OSBPL11: variants seen among roughly 807,000 people sequenced by gnomAD.
The protein encoded by OSBPL11 is oxysterol-binding protein-related protein 11.
Under a neutral mutation model 84.4 loss-of-function variants are expected in OSBPL11, and 33 were observed. That is an observed-to-expected ratio of 0.39 (90% confidence interval 0.30 to 0.52). The LOEUF (loss-of-function observed/expected upper bound fraction) is 0.52, where lower values mean the gene tolerates loss of function less well. Ranked by LOEUF, OSBPL11 falls within the 20% of genes least tolerant of loss-of-function variation. The pLI is 0.72. For synonymous variants in OSBPL11, 276 were observed against 310.2 expected (o/e 0.89, Z 1.16); for missense variants, 736 against 901.1 (o/e 0.82, Z 2.35).
intron 11 of OSBPL11, among the ~76,000 whole-genome samples, chr3:125,532,530 T>C (rs1420998484): frequency 6.8e-6 from 1 of 146,632 alleles, no homozygotes; most frequent in East Asian, 2.0e-4. Flanking sequence ...CTGTCCAGAG[T>C]GTTTCTAGGC....
intron 8 of OSBPL11, among the ~76,000 whole-genome samples, chr3:125,555,230 G>A (rs1169227158): frequency 6.6e-6 from 1 of 152,110 alleles, no homozygotes; most frequent in Non-Finnish European, 1.5e-5. Context: ...TGGACTCTTG[G>A]ACCTTCAACC....
chr3:125,563,981 C>T, intron 6 of OSBPL11, 138 bp from the exon 7 acceptor site: 1 of 835,112 alleles, frequency 1.2e-6, no homozygotes, highest in Non-Finnish European at 1.8e-6. Flanking sequence ...GCAAGACAGC[C>T]ACTTATATCT....
chr3:125,572,708 C>G, intron 5 of OSBPL11, among the ~76,000 whole-genome samples: 2 of 151,772 alleles, frequency 1.3e-5, no homozygotes, highest in East Asian at 1.9e-4. Context: ...GAGGCCTCTC[C>G]ATTCATGTGG....
intron 6 of OSBPL11, among the ~76,000 whole-genome samples, chr3:125,564,340 C>T (rs10512657): frequency 0.036 from 5,437 of 152,240 alleles, 110 homozygotes; most frequent in East Asian, 0.065. Flanking sequence ...AAATACATGT[C>T]CTTTTTCGAA....
chr3:125,541,928 AT>A (rs527917300), intron 10 of OSBPL11, among the ~76,000 whole-genome samples: 30 of 152,298 alleles, frequency 2.0e-4, no homozygotes, highest in African/African-American at 7.2e-4. Flanking sequence ...ATTTGAATAC[AT>A]GTCTAAAGGA....
chr3:125,548,406 T>C (rs1935851394), intron 9 of OSBPL11, among the ~76,000 whole-genome samples: 1 of 152,150 alleles, frequency 6.6e-6, no homozygotes, highest in African/African-American at 2.4e-5. Context: ...ATAAAAACTA[T>C]GGTCATAATA....
At chr3:125,583,779 T>C (rs537210535) in intron 1 of OSBPL11, among the ~76,000 whole-genome samples, 44 of 152,162 alleles carry the variant, frequency 2.9e-4, no homozygotes, top group Admixed American at 2.6e-3. Flanking sequence ...AGCCCACAAC[T>C]AGAGGAAAGA....
rs1935963281 is a variant in OSBPL11, at chr3:125,554,682, ATAT to A, written c.1156-2006_1156-2004del. Among the ~76,000 whole-genome samples, 3 of 152,290 alleles carry A rather than the reference ATAT, an allele frequency of 2.0e-5. No homozygotes were observed. The South Asian group carries it at 6.2e-4, about 32-fold the overall frequency. Reference sequence around the variant, plus strand: ...ATAATATCTTCAGAGAATTAAGAAGATATTATATACATACAAGAATGCTTTTTA... The same window carrying A: ...ATAATATCTTCAGAGAATTAAGAAGATATATACATACAAGAATGCTTTTTA... On this transcript the variant is annotated intron_variant, in intron 8 of 12. Coordinates refer to ENST00000296220, the MANE Select transcript of OSBPL11 (RefSeq NM_022776.5).
intron 1 of OSBPL11, among the ~76,000 whole-genome samples, chr3:125,585,643 A>C (rs1936496896): frequency 6.6e-6 from 1 of 152,140 alleles, no homozygotes; most frequent in Non-Finnish European, 1.5e-5. Context: ...CTGCTGGCTT[A>C]TTTTTATTAT....
chr3:125,555,920 T>G (rs1580048871), intron 8 of OSBPL11, among the ~76,000 whole-genome samples: 1 of 152,142 alleles, frequency 6.6e-6, no homozygotes, highest in Admixed American at 6.5e-5. Flanking sequence ...TGGCCTCAAG[T>G]GATCTGCCTG....
chr3:125,574,967 A>G lies in OSBPL11; in HGVS notation c.666+1222T>C, dbSNP rs147114806. On this transcript the variant is annotated intron_variant, in intron 5 of 12. Transcript: ENST00000296220. ...TATTAGATTCCACACGGCATCTAAC[A>G]TTTAAGAAACTATCAGTTGTCAAGT... is the stretch of plus-strand genomic sequence containing the variant. Among the ~76,000 whole-genome samples the G allele has an allele frequency of 8.9e-4, 135 of 152,334 alleles. 1 individual carries two copies. The highest frequency in any genetic ancestry group is 6.4e-3 in the East Asian group (33 of 5,194).
At chr3:125,582,014 ACT>A (rs994428165) in intron 2 of OSBPL11, among the ~76,000 whole-genome samples, 5 of 151,824 alleles carry the variant, frequency 3.3e-5, no homozygotes, top group Non-Finnish European at 5.9e-5. Context: ...ATAAAAAGTA[ACT>A]CTAAAAAGTT....
rs1935924420 is a variant in OSBPL11, at chr3:125,552,347, T to A, written c.1488A>T (p.Gly496=). ...CAAATCTGACTGTGTAACAGTCTGA[T>A]CCCACCTGGGTCAAAGACTCCCCCG... is the stretch of plus-strand genomic sequence containing the variant. ...PLSGESLTQV[G]SDCYTVRFVA... Residue 496 remains glycine, a synonymous_variant, in exon 9 of 13, where the codon GGA becomes GGT. Transcript: ENST00000296220. 1.9e-6 allele frequency: 3 copies of A among 1,613,988 alleles called. No homozygotes were observed. Among genetic ancestry groups the A allele is most frequent in the Non-Finnish European group, 2.5e-6 (3 of 1,179,996 alleles).
intron 8 of OSBPL11, among the ~76,000 whole-genome samples, 195 bp from the exon 9 acceptor site, chr3:125,552,874 T>C (rs1033374750): frequency 6.6e-5 from 10 of 152,208 alleles, no homozygotes; most frequent in African/African-American, 9.6e-5. Context: ...TCACAGCACT[T>C]TGGGAGGCCA....
intron 11 of OSBPL11, among the ~76,000 whole-genome samples, chr3:125,533,177 C>G (rs916458460): frequency 1.1e-4 from 16 of 149,424 alleles, no homozygotes; most frequent in Non-Finnish European, 2.4e-4. Flanking sequence ...CTCCCCCCTT[C>G]CTTCTCTTCC....
intron 10 of OSBPL11, among the ~76,000 whole-genome samples, chr3:125,545,619 TGTGTGTGTGTGTGC>T (rs1368875878): frequency 3.3e-5 from 5 of 151,784 alleles, no homozygotes; most frequent in East Asian, 3.9e-4. Context: ...TATGTATATA[TGTGTGTGTGTGTGC>T]GTGTGTGTGT....
In OSBPL11 at chr3:125,594,318, T is replaced by A. The variant is rs547986300; in HGVS notation, c.164+319A>T. ...TCGCAGTCTATCAGAGAAAGCTGGC[T>A]TGTAAATAAATTGCAACATAGGCAA... On this transcript the variant is annotated intron_variant, in intron 1 of 12. Coordinates refer to ENST00000296220, the MANE Select transcript of OSBPL11 (RefSeq NM_022776.5). Among the ~76,000 whole-genome samples, 36 of 152,342 alleles carry A rather than the reference T, an allele frequency of 2.4e-4. No homozygotes were observed. In the South Asian group the frequency reaches 5.8e-3, roughly 25 times the overall value.
In OSBPL11 at chr3:125,576,189, T is replaced by C. The variant is rs1440698734; in HGVS notation, c.666A>G (p.Glu222=). The change falls in exon 5 of 13, where the codon GAA becomes GAG. Residue 222 remains glutamate, a splice_region_variant and synonymous_variant. Transcript: ENST00000296220. ...TAACTTGACTTTAATTCATACTTACTTCTCTGACTTCCACAAGATGGTCTG... is the reference window on the plus strand; with the variant it reads ...TAACTTGACTTTAATTCATACTTACCTCTCTGACTTCCACAAGATGGTCTG... ...LPPDHLVEVR[E]MMSHAEGQQR... The C allele has an allele frequency of 1.2e-6, 2 of 1,601,232 alleles. No individual in the cohort carries two copies. Among genetic ancestry groups the C allele is most frequent in the African/African-American group, 2.7e-5 (2 of 73,828 alleles).
rs139301958 is a variant in OSBPL11 at position 125,544,212 on chromosome 3, C to T, written c.1841+3194G>A. Among the ~76,000 whole-genome samples the T allele has an allele frequency of 2.0e-3, 306 of 151,970 alleles. 1 individual carries two copies. Among genetic ancestry groups the T allele is most frequent in the African/African-American group, 6.9e-3 (285 of 41,464 alleles). On this transcript the variant is annotated intron_variant, in intron 10 of 12. Coordinates refer to ENST00000296220, the MANE Select transcript of OSBPL11 (RefSeq NM_022776.5). ...CTGGGATTACAGGCATGCACCACCA[C>T]GCCCAGCTATTTTTTGTATTTTTAG...
Sources: allele counts gnomAD v4.1 joint callset (sites outside exome capture counted in the v4.1 genomes callset), GRCh38; gene constraint gnomAD v4.1.1; transcripts MANE v1.5; gene names NCBI Gene and HGNC (gene_info 2026-07-23, HGNC 2026-07-21).